FRRS1L: variants seen among roughly 807,000 people sequenced by gnomAD.
FRRS1L encodes ferric chelate reductase 1 like, also known as DOMON domain-containing protein FRRS1L.
Under a neutral mutation model 28.6 loss-of-function variants are expected in FRRS1L, and 22 were observed. The ratio of observed to expected loss-of-function variants is 0.77; its 90% CI spans 0.55 to 1.10. FRRS1L has a LOEUF of 1.10. Ranked by LOEUF, FRRS1L falls within the 50% of genes least tolerant of loss-of-function variation. The pLI, the probability that FRRS1L is intolerant of heterozygous loss-of-function variation, is 0.00. For missense variants in FRRS1L, 380 were observed against 386.9 expected (o/e 0.98, Z 0.15); for synonymous variants, 158 against 151.4 (o/e 1.04, Z -0.32).
chr9:109,154,078 C>G (rs992728039), intron 1 of FRRS1L, among the ~76,000 whole-genome samples: 3 of 152,186 alleles, frequency 2.0e-5, no homozygotes, highest in African/African-American at 7.2e-5. Flanking sequence ...GGCAGTTGGC[C>G]TGAGTTCCCA....
chr9:109,147,362 G>A (rs574548262), intron 2 of FRRS1L, 173 bp from the exon 3 acceptor site: 243 of 594,702 alleles, frequency 4.1e-4, no homozygotes, highest in Admixed American at 3.0e-3. Flanking sequence ...CCTTAGAGAT[G>A]ATCTGCCCCA....
chr9:109,166,883 G>C lies in FRRS1L; in HGVS notation c.238+18C>G. 10 of 523,336 alleles carry C rather than the reference G, an allele frequency of 1.9e-5. No individual in the cohort carries two copies. The highest frequency in any genetic ancestry group is 1.1e-4 in the East Asian group (1 of 8,954). 32.4% of individuals were successfully genotyped at this position (523,336 alleles called of 1,614,324 possible). A position where few individuals can be genotyped will look rare whatever the true frequency, so the allele number is the denominator to read the frequency against. ...CCGGTCTCCCCTCCCGCAACCCCTC[G>C]CCCTCCCGCAGCCTCACCCTCCTCC... On this transcript the variant is annotated intron_variant, in intron 1 of 4. Transcript: ENST00000561981.
intron 1 of FRRS1L, among the ~76,000 whole-genome samples, chr9:109,159,696 C>T (rs12554365): frequency 0.097 from 14,742 of 152,204 alleles, 975 homozygotes; most frequent in Middle Eastern, 0.16. Context: ...AAGCAGGTGG[C>T]CTTTGAGCAA....
Position 109,167,097 on chromosome 9 carries a change from C to A in FRRS1L, c.42G>T (p.Ser14=). 2 of 1,180,656 alleles carry A rather than the reference C, an allele frequency of 1.7e-6. No individual in the cohort carries two copies. Among genetic ancestry groups the A allele is most frequent in the Non-Finnish European group, 2.1e-6 (2 of 956,484 alleles). The allele number at this position is 1,180,656 out of a possible 1,614,324, so 73.1% of individuals were successfully genotyped here. A position where few individuals can be genotyped will look rare whatever the true frequency, so the allele number is the denominator to read the frequency against. ...PPRQHPGVWA[S]LLLLLLTGPA... is the part of the protein sequence containing the mutation. ...GCCCCGTCAGTAGCAGCAGGAGCAG[C>A]GACGCCCAGACCCCCGGGTGCTGCC... Residue 14 remains serine (S), a synonymous_variant, in exon 1 of 5, where the codon TCG becomes TCT. Coordinates refer to ENST00000561981, the MANE Select transcript of FRRS1L (RefSeq NM_014334.4).
chr9:109,159,566 G>C (rs1180054915), intron 1 of FRRS1L, among the ~76,000 whole-genome samples: 1 of 152,224 alleles, frequency 6.6e-6, no homozygotes. Context: ...TTGGGAAGCT[G>C]AGGCAGGAGA....
At position 109,138,502 on chromosome 9, in the gene FRRS1L, C is replaced by G. The variant is rs181227328; in HGVS notation, c.710-875G>C. ...TTTAAGGTCCTATCTGCTAGGGAAG[C>G]CCTGCCAAACTTGACATGTCAGGTC... On this transcript the variant is annotated intron_variant, in intron 4 of 4. Transcript: ENST00000561981. 4 of 152,278 alleles carry G rather than the reference C, an allele frequency of 2.6e-5. No homozygotes were observed. In the East Asian group the frequency reaches 7.7e-4, roughly 29 times the overall value. The allele number at this position is 152,278 out of a possible 1,614,324, so 9.4% of individuals were successfully genotyped here.
At position 109,134,208 on chromosome 9, in the gene FRRS1L, A is replaced by G. The variant is rs1044517908; in HGVS notation, c.*3247T>C. ...GAAGTATAGTTTCACATATAGATTCATTCCACAAATGTTTGCTGAGTACCT... is the reference window on the plus strand; with the variant it reads ...GAAGTATAGTTTCACATATAGATTCGTTCCACAAATGTTTGCTGAGTACCT... On this transcript the variant is annotated 3_prime_UTR_variant, in exon 5 of 5. Transcript: ENST00000561981. The G allele has an allele frequency of 3.9e-5, 6 of 152,222 alleles. No homozygotes were observed. Among genetic ancestry groups the G allele is most frequent in the African/African-American group, 1.2e-4 (5 of 41,448 alleles). The allele number at this position is 152,222 out of a possible 1,614,324, so 9.4% of individuals were successfully genotyped here. A position where few individuals can be genotyped will look rare whatever the true frequency, so the allele number is the denominator to read the frequency against.
At chr9:109,158,604 G>C (rs1351282178) in intron 1 of FRRS1L, among the ~76,000 whole-genome samples, 1 of 152,114 alleles carries the variant, frequency 6.6e-6, no homozygotes, top group Non-Finnish European at 1.5e-5. Context: ...GGTCTTTTGT[G>C]TCTGACCTCC....
At chr9:109,140,443 G>C (rs1322132923) in intron 4 of FRRS1L, 1 of 152,218 alleles carries the variant, frequency 6.6e-6, no homozygotes, top group Non-Finnish European at 1.5e-5. Context: ...GACAGAGCAA[G>C]ACCCTGGGAG....
intron 1 of FRRS1L, among the ~76,000 whole-genome samples, chr9:109,152,949 T>C (rs867010153): frequency 2.0e-4 from 31 of 151,980 alleles, no homozygotes; most frequent in Non-Finnish European, 1.8e-4. Flanking sequence ...TCAGGACTTT[T>C]CTAGCACTAA....
intron 1 of FRRS1L, among the ~76,000 whole-genome samples, chr9:109,163,938 C>T (rs1434001654): frequency 1.3e-5 from 2 of 152,150 alleles, no homozygotes; most frequent in South Asian, 2.1e-4. Context: ...CTGAAACCAT[C>T]GATAATTTTG....
chr9:109,165,259 AT>A (rs901388639), intron 1 of FRRS1L, among the ~76,000 whole-genome samples: 5 of 152,226 alleles, frequency 3.3e-5, no homozygotes, highest in African/African-American at 1.2e-4. Context: ...CATTGTAACT[AT>A]GTTTTTGCCA....
At chr9:109,142,797 AC>A (rs1454555627) in intron 3 of FRRS1L, among the ~76,000 whole-genome samples, 2 of 144,820 alleles carry the variant, frequency 1.4e-5, no homozygotes, top group African/African-American at 5.1e-5. Flanking sequence ...ATAGGGTGAG[AC>A]CCTGTCTCAA....
intron 1 of FRRS1L, chr9:109,151,625 A>G (rs146679640): frequency 0.013 from 2,742 of 215,008 alleles, 27 homozygotes; most frequent in Non-Finnish European, 0.018. Flanking sequence ...GAGTTGTATA[A>G]TTATTTCATT....
intron 1 of FRRS1L, chr9:109,150,740 T>C (rs1202151895): frequency 6.6e-6 from 1 of 152,256 alleles, no homozygotes; most frequent in African/African-American, 2.4e-5. Flanking sequence ...AGGGTAAGGC[T>C]GCATTATGCC....
intron 4 of FRRS1L, chr9:109,137,833 C>A: frequency 3.3e-6 from 1 of 299,740 alleles, no homozygotes; most frequent in Non-Finnish European, 6.1e-6. Flanking sequence ...TAAATTTATC[C>A]AAAAAGACTA....
intron 4 of FRRS1L, chr9:109,138,444 G>T (rs1463400002): frequency 6.6e-6 from 1 of 152,166 alleles, no homozygotes; most frequent in Non-Finnish European, 1.5e-5. Context: ...CAGTGCAAAG[G>T]TCTCCTTAGG....
chr9:109,143,530 T>TC (rs1307299231), intron 3 of FRRS1L, among the ~76,000 whole-genome samples: 8 of 150,838 alleles, frequency 5.3e-5, no homozygotes, highest in Non-Finnish European at 1.0e-4. Flanking sequence ...TTTTTTTTTT[T>TC]TTCCCCGACA....
At chr9:109,141,182 G>A (rs147999188) in intron 4 of FRRS1L, 161 bp downstream of exon 4, 3 of 693,096 alleles carry the variant, frequency 4.3e-6, no homozygotes, top group East Asian at 2.7e-5. Context: ...ATTATAATAA[G>A]TCCATTATAA....
Sources: allele counts gnomAD v4.1 joint callset (sites outside exome capture counted in the v4.1 genomes callset), GRCh38; gene constraint gnomAD v4.1.1; transcripts MANE v1.5; gene names NCBI Gene and HGNC (gene_info 2026-07-23, HGNC 2026-07-21).